Variants in ALG11 observed in about 807,000 individuals in gnomAD.
ALG11 encodes the protein GDP-Man:Man(3)GlcNAc(2)-PP-Dol alpha-1,2-mannosyltransferase.
Under a neutral mutation model 38.8 loss-of-function variants are expected in ALG11, and 26 were observed. The ratio of observed to expected loss-of-function variants is 0.67; its 90% CI spans 0.49 to 0.93. The LOEUF (loss-of-function observed/expected upper bound fraction) is 0.93. Among genes scored for constraint, ALG11 ranks in the 40% least tolerant of loss-of-function variants. The probability of loss-of-function intolerance (pLI) is 0.00; values close to 1 mark genes in which losing one functional copy is unlikely to be tolerated. For synonymous variants in ALG11, 199 were observed against 211.6 expected (o/e 0.94, Z 0.52); for missense variants, 535 against 578.8 (o/e 0.92, Z 0.78).
Position 52,024,108 on chromosome 13 carries a change from C to T in ALG11, c.378C>T (p.His126=). 6.2e-7 allele frequency: 1 copy of T among 1,614,004 alleles called. No individual in the cohort carries two copies. The highest frequency in any genetic ancestry group is 1.1e-5 in the South Asian group (1 of 91,080). Residue 126 remains histidine (H), a synonymous_variant, in exon 3 of 4, where the codon CAC becomes CAT. Transcript: ENST00000521508. ...AFRRFNIRLI[H]PVQFVFLRKR... ...GAAGATTTAACATCAGATTAATTCACCCAGTGCAGTTTGTTTTTTTAAGGA... is the reference window on the plus strand; with the variant it reads ...GAAGATTTAACATCAGATTAATTCATCCAGTGCAGTTTGTTTTTTTAAGGA...
rs1254512275 is a variant in ALG11 at position 52,012,431 on chromosome 13, G to T, written c.13G>T (p.Glu5Ter). 1 of 1,614,184 alleles carries T rather than the reference G, an allele frequency of 6.2e-7. No individual in the cohort carries two copies. Residue 5 changes from glutamate to a stop codon, truncating the protein, a stop_gained, in exon 1 of 4, where the codon GAA (glutamate) becomes TAA (stop). Transcript: ENST00000521508. LOFTEE classifies it high-confidence loss of function. ...GGGTCGGCGGAAGATGGCGGCCGGCGAAAGGAGCTGGTGCCTGTGCAAGTT... is the reference window on the plus strand; with the variant it reads ...GGGTCGGCGGAAGATGGCGGCCGGCTAAAGGAGCTGGTGCCTGTGCAAGTT... The part of the protein sequence containing the change: MAAG[E>*]RSWCLCKLLR...
chr13:52,019,497 A>G (rs562357030), intron 2 of ALG11, among the ~76,000 whole-genome samples: 39 of 152,304 alleles, frequency 2.6e-4, no homozygotes, highest in African/African-American at 8.9e-4. Context: ...TTGGTATTAC[A>G]GGTGTGAGCC....
chr13:52,013,419 GCC>G (rs1164053993), intron 1 of ALG11, among the ~76,000 whole-genome samples: 2 of 152,194 alleles, frequency 1.3e-5, no homozygotes, highest in Non-Finnish European at 2.9e-5. Flanking sequence ...TGTTATCAGA[GCC>G]TTTTGGTTCT....
intron 3 of ALG11, among the ~76,000 whole-genome samples, chr13:52,026,402 G>A (rs1954240953): frequency 6.6e-6 from 1 of 152,190 alleles, no homozygotes; most frequent in Non-Finnish European, 1.5e-5. Flanking sequence ...GCACGTAAAA[G>A]CTTTCTGATT....
rs142637770 is a variant in ALG11 at position 52,024,392 on chromosome 13, C to A, written c.662C>A (p.Ala221Asp). The A allele has an allele frequency of 3.7e-6, 6 of 1,613,550 alleles. No homozygotes were observed. Among genetic ancestry groups the A allele is most frequent in the East Asian group, 4.5e-5 (2 of 44,864 alleles). Residue 221 changes from alanine to aspartate, a missense_variant, in exon 3 of 4, where the codon GCC (alanine) becomes GAC (aspartate). Ala to Asp is a moderately radical substitution (Grantham distance 126). Coordinates refer to ENST00000521508, the MANE Select transcript of ALG11 (RefSeq NM_001004127.3). ...CAAAATATTGGATTTAATAATGCAG[C>A]CTTCATTACCAGGAATCCTTTTCTC... ...KNQNIGFNNAAFITRNPFLSK... is the reference protein window; with the variant it reads ...KNQNIGFNNADFITRNPFLSK...
chr13:52,012,508 G>A, intron 1 of ALG11, 46 bp downstream of exon 1: 6 of 1,613,610 alleles, frequency 3.7e-6, no homozygotes, highest in Non-Finnish European at 5.1e-6. Context: ...CTCTTCTGTA[G>A]GGGTACTTGC....
rs764862036 is a variant in ALG11 at position 52,029,523 on chromosome 13, C to T, written c.*933C>T. On this transcript the variant is annotated 3_prime_UTR_variant, in exon 4 of 4. Coordinates refer to ENST00000521508, the MANE Select transcript of ALG11 (RefSeq NM_001004127.3). ...CTGCAGTCCTACTATGAGGCCAAGG[C>T]TCGAAAAGAGAAGAAAATCAAAAGT... 23 of 1,613,942 alleles carry T rather than the reference C, an allele frequency of 1.4e-5. No homozygotes were observed. The highest frequency in any genetic ancestry group is 3.3e-4 in the Middle Eastern group (2 of 6,084).
In ALG11 at chr13:52,030,172, C is replaced by T. The variant is rs757961978; in HGVS notation, c.*1582C>T. ...ATTCTAGCAGCCAGGAGGTGCTGTC[C>T]GAATTGAGGGCACTATCTCAGAAAT... On this transcript the variant is annotated 3_prime_UTR_variant, in exon 4 of 4. Coordinates refer to ENST00000521508, the MANE Select transcript of ALG11 (RefSeq NM_001004127.3). 8 of 1,614,026 alleles carry T rather than the reference C, an allele frequency of 5.0e-6. No individual in the cohort carries two copies. Among genetic ancestry groups the T allele is most frequent in the Middle Eastern group, 1.6e-4 (1 of 6,084 alleles).
chr13:52,021,864 T>C (rs1954186841), intron 2 of ALG11: 2 of 152,248 alleles, frequency 1.3e-5, no homozygotes, highest in Admixed American at 6.5e-5. Context: ...CTCGGGCTGG[T>C]TGGACTCCGT....
intron 1 of ALG11, among the ~76,000 whole-genome samples, chr13:52,014,095 A>G (rs1954114917): frequency 1.3e-5 from 2 of 152,364 alleles, no homozygotes; most frequent in South Asian, 4.1e-4. Flanking sequence ...TATTTTAAAC[A>G]TAAGATCAAT....
rs1390054010 is a variant in ALG11, at chr13:52,030,801, T to C, written c.*2211T>C. The C allele has an allele frequency of 6.2e-7, 1 of 1,614,160 alleles. No homozygotes were observed. The highest frequency in any genetic ancestry group is 1.7e-5 in the Admixed American group (1 of 60,034). ...AGAAAAGATAAGAATTTGCCAAATG[T>C]GATTATCAGTGAGAAGCGCAACATC... On this transcript the variant is annotated 3_prime_UTR_variant, in exon 4 of 4. Coordinates refer to ENST00000521508, the MANE Select transcript of ALG11 (RefSeq NM_001004127.3).
chr13:52,028,165 G>A (rs542190047), intron 3 of ALG11, among the ~76,000 whole-genome samples, 154 bp from the exon 4 acceptor site: 9 of 151,664 alleles, frequency 5.9e-5, no homozygotes, highest in Admixed American at 1.3e-4. Flanking sequence ...ATTTTATCTT[G>A]TACTGTAGAA....
In ALG11 at chr13:52,024,071, A is replaced by C. The variant is rs777646354; in HGVS notation, c.341A>C (p.Glu114Ala). The change falls in exon 3 of 4, where the codon GAA (glutamate) becomes GCA (alanine). Residue 114 changes from glutamate to alanine, a missense_variant. Physicochemically the swap from Glu to Ala is moderately radical, Grantham distance 107. Transcript: ENST00000521508. ...AATGTCAACGGTCAACAGATACTAG[A>C]AGGTGCTTTCAGAAGATTTAACATC... ...DVNVNGQQIL[E>A]GAFRRFNIRL... 4.3e-6 allele frequency: 7 copies of C among 1,614,064 alleles called. No individual in the cohort carries two copies. In the East Asian group the frequency reaches 1.3e-4, roughly 31 times the overall value.
chr13:52,013,716 T>A (rs961704030), intron 1 of ALG11, among the ~76,000 whole-genome samples: 1 of 152,252 alleles, frequency 6.6e-6, no homozygotes, highest in African/African-American at 2.4e-5. Context: ...CTTTTATGAA[T>A]TCATATATTC....
intron 1 of ALG11, among the ~76,000 whole-genome samples, chr13:52,012,819 T>C (rs1433478156): frequency 6.6e-6 from 1 of 152,120 alleles, no homozygotes; most frequent in African/African-American, 2.4e-5. Context: ...CATTTTCCAA[T>C]CTATCATGTC....
chr13:52,029,822 T>C lies in ALG11; in HGVS notation c.*1232T>C. Reference sequence around the variant, plus strand: ...ACTGACACAGAAACTCCAGGTAGCCTCTGAGAGTGAGGAAGAGGAGGGAGG... The same window carrying C: ...ACTGACACAGAAACTCCAGGTAGCCCCTGAGAGTGAGGAAGAGGAGGGAGG... On this transcript the variant is annotated 3_prime_UTR_variant, in exon 4 of 4. Coordinates refer to ENST00000521508, the MANE Select transcript of ALG11 (RefSeq NM_001004127.3). 1 of 1,614,186 alleles carries C rather than the reference T, an allele frequency of 6.2e-7. No individual in the cohort carries two copies. Among genetic ancestry groups the C allele is most frequent in the Non-Finnish European group, 8.5e-7 (1 of 1,180,036 alleles).
At chr13:52,026,750 A>C (rs895523423) in intron 3 of ALG11, among the ~76,000 whole-genome samples, 2 of 152,178 alleles carry the variant, frequency 1.3e-5, no homozygotes, top group Non-Finnish European at 2.9e-5. Context: ...ATTTGAGTTC[A>C]TCTGTGGGAC....
intron 2 of ALG11, among the ~76,000 whole-genome samples, chr13:52,019,908 CAG>C (rs1306271002): frequency 6.6e-6 from 1 of 152,122 alleles, no homozygotes; most frequent in Non-Finnish European, 1.5e-5. Context: ...GCCTGGGTGA[CAG>C]AGTGAGAACC....
intron 1 of ALG11, among the ~76,000 whole-genome samples, chr13:52,015,074 A>G (rs931397461): frequency 6.6e-6 from 1 of 152,218 alleles, no homozygotes; most frequent in East Asian, 1.9e-4. Flanking sequence ...GAAATCCCAC[A>G]TGAGAACTTT....
Sources: allele counts gnomAD v4.1 joint callset (sites outside exome capture counted in the v4.1 genomes callset), GRCh38; gene constraint gnomAD v4.1.1; transcripts MANE v1.5; gene names NCBI Gene and HGNC (gene_info 2026-07-23, HGNC 2026-07-21).